CHRM3: variants seen among roughly 807,000 people sequenced by gnomAD.
CHRM3 encodes the protein cholinergic receptor muscarinic 3, also known as muscarinic acetylcholine receptor M3.
CHRM3 carries 11 observed loss-of-function variants against 41.8 expected under a neutral mutation model. The ratio of observed to expected loss-of-function variants is 0.26; its 90% CI spans 0.17 to 0.44. CHRM3 has a LOEUF of 0.44. Ranked by LOEUF, CHRM3 falls within the 20% of genes least tolerant of loss-of-function variation. CHRM3 has a pLI of 1.00. For synonymous variants in CHRM3, 297 were observed against 301.4 expected, an observed-to-expected ratio of 0.99 and a Z score of 0.15; for missense variants, 571 against 745.4, an observed-to-expected ratio of 0.77 and a Z score of 2.72.
intron 5 of CHRM3, chr1:239,719,660 G>C (rs1572089934): frequency 1.3e-5 from 2 of 151,986 alleles, no homozygotes; most frequent in East Asian, 3.9e-4. Flanking sequence ...TGAAGGTAAG[G>C]GGCAAAGAAT....
chr1:239,404,398 A>AAG lies in CHRM3; in HGVS notation c.-521+17173_-521+17174dup, dbSNP rs1351562304. Among the ~76,000 whole-genome samples the AAG allele has an allele frequency of 4.1e-3, 281 of 69,252 alleles. 4 individuals carry two copies. The highest frequency in any genetic ancestry group is 5.8e-3 in the African/African-American group (95 of 16,320). The allele number at this position is 69,252 out of a possible 152,430, so 45.4% of individuals were successfully genotyped here. A position where few individuals can be genotyped will look rare whatever the true frequency, so the allele number is the denominator to read the frequency against. On this transcript the variant is annotated intron_variant, in intron 1 of 6. Coordinates refer to ENST00000676153, the MANE Select transcript of CHRM3 (RefSeq NM_001375978.1). ...AAAGAAAGAAAGAAAGAAAGAAAGA[A>AAG]AGAAAGAAAGAAAAAGAAAGAAAGA...
At position 239,739,523 on chromosome 1, in the gene CHRM3, A is replaced by G. The variant is rs1359704171; in HGVS notation, c.-147+61235A>G. On this transcript the variant is annotated intron_variant, in intron 5 of 6. Transcript: ENST00000676153. ...TAGAATATTTTAGAGTCCACACTGA[A>G]TGAAGATGGTGAATACTGAGGTTTC... Among the ~76,000 whole-genome samples, 8 of 152,286 alleles carry G rather than the reference A, an allele frequency of 5.3e-5. No homozygotes were observed. In the East Asian group the frequency reaches 1.5e-3, roughly 29 times the overall value.
rs116566025 is a variant in CHRM3 at position 239,901,073 on chromosome 1, G to A, written c.-19-6360G>A. ...CATTACCACAGGCATTCAGGTCATC[G>A]GTGCTTCTGCCATGGTGACCTAGTG... On this transcript the variant is annotated intron_variant, in intron 6 of 6. Coordinates refer to ENST00000676153, the MANE Select transcript of CHRM3 (RefSeq NM_001375978.1). 6.0e-3 allele frequency among the ~76,000 whole-genome samples: 914 copies of A among 152,276 alleles called. 7 individuals carry two copies. Among genetic ancestry groups the A allele is most frequent in the African/African-American group, 0.02 (829 of 41,550 alleles).
At chr1:239,883,358 C>G (rs1677804378) in intron 6 of CHRM3, among the ~76,000 whole-genome samples, 1 of 152,202 alleles carries the variant, frequency 6.6e-6, no homozygotes, top group African/African-American at 2.4e-5. Flanking sequence ...GCCCCTCATT[C>G]ATTTCATTTG....
In CHRM3 at chr1:239,492,717, A is replaced by G. The variant is rs1417592984; in HGVS notation, c.-512A>G. The G allele has an allele frequency of 1.3e-5, 2 of 152,170 alleles. No homozygotes were observed. The highest frequency in any genetic ancestry group is 2.9e-5 in the Non-Finnish European group (2 of 68,066). The allele number at this position is 152,170 out of a possible 1,614,324, so 9.4% of individuals were successfully genotyped here. ...TTTTTCTCTGTCTGCAGAAAGAAGG[A>G]CTTTGCTGCTTTGGGCCAGGATCTG... On this transcript the variant is annotated 5_prime_UTR_variant, in exon 2 of 7. Transcript: ENST00000676153.
At chr1:239,813,716 G>C (rs1398764869) in intron 5 of CHRM3, among the ~76,000 whole-genome samples, 2 of 135,558 alleles carry the variant, frequency 1.5e-5, no homozygotes, top group African/African-American at 5.9e-5. Flanking sequence ...AGGAGATCGA[G>C]ACCATCCTGG....
chr1:239,616,260 T>C lies in CHRM3; in HGVS notation c.-312-15964T>C, dbSNP rs181995185. 1.2e-4 allele frequency among the ~76,000 whole-genome samples: 18 copies of C among 152,330 alleles called. No homozygotes were observed. The East Asian group carries it at 3.1e-3, about 26-fold the overall frequency. ...GTCTTTTTAAAGATTGTTTTGTGTA[T>C]AGATTTGTGTTTATAAGACTGTGGA... On this transcript the variant is annotated intron_variant, in intron 3 of 6. Transcript: ENST00000676153.
At chr1:239,390,876 C>A (rs1012832874) in intron 1 of CHRM3, among the ~76,000 whole-genome samples, 13 of 152,170 alleles carry the variant, frequency 8.5e-5, no homozygotes, top group African/African-American at 3.1e-4. Flanking sequence ...GTGGCTCATG[C>A]CAGTAATGGC....
At chr1:239,706,015 G>T (rs1324165442) in intron 5 of CHRM3, among the ~76,000 whole-genome samples, 1 of 150,554 alleles carries the variant, frequency 6.6e-6, no homozygotes, top group Non-Finnish European at 1.5e-5. Context: ...ATGTCAAAGA[G>T]AATGATTATC....
chr1:239,532,694 TA>T, intron 2 of CHRM3, among the ~76,000 whole-genome samples: 1 of 148,054 alleles, frequency 6.8e-6, no homozygotes, highest in African/African-American at 2.5e-5. Context: ...TCCTGAAAAA[TA>T]GAAAAATGTA....
chr1:239,892,692 T>C (rs1678654494), intron 6 of CHRM3, among the ~76,000 whole-genome samples: 1 of 152,120 alleles, frequency 6.6e-6, no homozygotes, highest in Admixed American at 6.5e-5. Flanking sequence ...TTTCAGAGTA[T>C]CTTAGATTTG....
intron 1 of CHRM3, among the ~76,000 whole-genome samples, chr1:239,404,468 A>AAGAAAGAG (rs397954107): frequency 0.023 from 2,051 of 90,034 alleles, 243 homozygotes; most frequent in East Asian, 0.07. Flanking sequence ...GAAAGAAAGA[A>AAGAAAGAG]AAAGAAAGAA....
intron 3 of CHRM3, among the ~76,000 whole-genome samples, chr1:239,601,846 T>G (rs1225317031): frequency 1.3e-5 from 2 of 152,052 alleles, no homozygotes; most frequent in South Asian, 2.1e-4. Context: ...CCTTTGTTCC[T>G]AGTGGTGCAA....
chr1:239,440,647 T>C (rs1663647160), intron 1 of CHRM3, among the ~76,000 whole-genome samples: 1 of 152,158 alleles, frequency 6.6e-6, no homozygotes, highest in African/African-American at 2.4e-5. Flanking sequence ...ATAAAGTATA[T>C]TTATCATTAA....
intron 5 of CHRM3, among the ~76,000 whole-genome samples, chr1:239,749,557 G>T (rs996024929): frequency 6.6e-6 from 1 of 152,086 alleles, no homozygotes; most frequent in African/African-American, 2.4e-5. Flanking sequence ...AATCACAGCT[G>T]CACAGGAGGC....
At chr1:239,863,735 G>A (rs906337295) in intron 6 of CHRM3, among the ~76,000 whole-genome samples, 4 of 149,908 alleles carry the variant, frequency 2.7e-5, no homozygotes, top group African/African-American at 1.0e-4. Context: ...AAGAAACAAA[G>A]AAGAAAGGGA....
At chr1:239,654,109 G>A (rs1164854349) in intron 4 of CHRM3, among the ~76,000 whole-genome samples, 1 of 151,926 alleles carries the variant, frequency 6.6e-6, no homozygotes, top group African/African-American at 2.4e-5. Context: ...CCACAGATGT[G>A]AGCCACCACG....
intron 3 of CHRM3, among the ~76,000 whole-genome samples, chr1:239,609,377 C>G (rs1014868993): frequency 6.6e-6 from 1 of 152,112 alleles, no homozygotes; most frequent in Admixed American, 6.5e-5. Flanking sequence ...CTATATGCCA[C>G]TATTTGTTTA....
At chr1:239,447,918 T>G (rs1664270026) in intron 1 of CHRM3, among the ~76,000 whole-genome samples, 1 of 152,232 alleles carries the variant, frequency 6.6e-6, no homozygotes, top group South Asian at 2.1e-4. Flanking sequence ...CTGGGTTTGA[T>G]ATGTCATCAT....
Sources: gnomAD v4.1 joint callset for allele counts (sites outside exome capture counted in the v4.1 genomes callset) on GRCh38, gnomAD v4.1.1 for gene constraint, MANE v1.5 for transcripts, NCBI Gene and HGNC (gene_info 2026-07-23, HGNC 2026-07-21) for gene names.